The following CNKSR3 variants were observed in gnomAD, a reference collection of about 807,000 sequenced individuals.
The protein encoded by CNKSR3 is connector enhancer of kinase suppressor of ras 3.
Under a neutral mutation model 67.7 loss-of-function variants are expected in CNKSR3, and 36 were observed. The ratio of observed to expected loss-of-function variants is 0.53; its 90% CI spans 0.41 to 0.70. The LOEUF is 0.70. CNKSR3 is among the 30% of genes least tolerant of loss of function. The pLI is 0.00. For missense variants in CNKSR3, 630 were observed against 695.2 expected, an observed-to-expected ratio of 0.91 and a Z score of 1.05; for synonymous variants, 281 against 271.4, an observed-to-expected ratio of 1.04 and a Z score of -0.35.
intron 6 of CNKSR3, among the ~76,000 whole-genome samples, chr6:154,430,080 C>T (rs1448351328): frequency 2.6e-5 from 4 of 152,178 alleles, no homozygotes; most frequent in Non-Finnish European, 5.9e-5. Context: ...CATTTCTAAA[C>T]CCTTCTTAAG....
intron 9 of CNKSR3, among the ~76,000 whole-genome samples, chr6:154,421,677 G>A (rs1785146744): frequency 6.6e-6 from 1 of 152,172 alleles, no homozygotes; most frequent in African/African-American, 2.4e-5. Context: ...ACTACATAAT[G>A]TCTAAATAAT....
At chr6:154,420,429 C>G (rs375188004) in intron 9 of CNKSR3, among the ~76,000 whole-genome samples, 95 of 152,114 alleles carry the variant, frequency 6.2e-4, no homozygotes, top group Middle Eastern at 6.8e-3. Context: ...GTGGCTCACG[C>G]CTGTAATCCC....
chr6:154,458,826 G>T (rs1408516116), intron 1 of CNKSR3, among the ~76,000 whole-genome samples: 1 of 152,062 alleles, frequency 6.6e-6, no homozygotes, highest in Admixed American at 6.6e-5. Flanking sequence ...GTCATCCTTC[G>T]AGGTTTGTGG....
chr6:154,414,259 A>C, intron 10 of CNKSR3, 40 bp downstream of exon 10: 1 of 1,535,086 alleles, frequency 6.5e-7, no homozygotes, highest in Non-Finnish European at 8.7e-7. Context: ...AATGACACCA[A>C]CAGGAGACAA....
At chr6:154,476,926 G>C (rs1214583277) in intron 1 of CNKSR3, among the ~76,000 whole-genome samples, 1 of 152,126 alleles carries the variant, frequency 6.6e-6, no homozygotes, top group African/African-American at 2.4e-5. Context: ...CGGTTATCAG[G>C]AAAATCCCTA....
chr6:154,477,148 TATTTCAAAGC>T (rs1210803025), intron 1 of CNKSR3, among the ~76,000 whole-genome samples: 1 of 152,186 alleles, frequency 6.6e-6, no homozygotes, highest in Non-Finnish European at 1.5e-5. Flanking sequence ...GAACCAACTT[TATTTCAAAGC>T]ATTTCAAAAA....
chr6:154,501,482 C>T (rs939697604), intron 1 of CNKSR3, among the ~76,000 whole-genome samples: 33 of 152,274 alleles, frequency 2.2e-4, no homozygotes, highest in African/African-American at 7.7e-4. Context: ...ATCACCCCCA[C>T]CCTCGCTCTC....
At chr6:154,509,236 C>A (rs1787162887) in intron 1 of CNKSR3, among the ~76,000 whole-genome samples, 1 of 151,990 alleles carries the variant, frequency 6.6e-6, no homozygotes, top group Non-Finnish European at 1.5e-5. Flanking sequence ...CCCTCGAAAT[C>A]GTAGGAGACA....
intron 1 of CNKSR3, among the ~76,000 whole-genome samples, chr6:154,459,600 A>G (rs1216037405): frequency 6.6e-6 from 1 of 152,254 alleles, no homozygotes; most frequent in African/African-American, 2.4e-5. Flanking sequence ...ATGGAAGGAC[A>G]GTCAACCCTA....
At position 154,395,857 on chromosome 6, in the gene CNKSR3, C is replaced by T. The variant is rs182362289; in HGVS notation, c.*10497G>A. On this transcript the variant is annotated 3_prime_UTR_variant, in exon 13 of 13. Coordinates refer to ENST00000607772, the MANE Select transcript of CNKSR3 (RefSeq NM_173515.4). ...TCAAGAGATCCTCCCATCTCAGCCT[C>T]CTGAGTAGCTGGGACTACAGGTGCA... The T allele has an allele frequency of 6.6e-6, 1 of 152,484 alleles. No homozygotes were observed. The highest frequency in any genetic ancestry group is 1.9e-4 in the East Asian group (1 of 5,182). The allele number at this position is 152,484 out of a possible 1,614,324, so 9.4% of individuals were successfully genotyped here.
Position 154,414,287 on chromosome 6 carries a change from A to ACAG in CNKSR3, c.1070+9_1070+11dup. 6.3e-7 allele frequency: 1 copy of ACAG among 1,575,100 alleles called. No homozygotes were observed. Among genetic ancestry groups the ACAG allele is most frequent in the Admixed American group, 1.9e-5 (1 of 51,580 alleles). ...GGAGACAAGCATACCATGACAATGG[A>ACAG]CAGCAACATACCGGGGAGAGTAGGG... On this transcript the variant is annotated intron_variant, in intron 10 of 12. Coordinates refer to ENST00000607772, the MANE Select transcript of CNKSR3 (RefSeq NM_173515.4).
In CNKSR3 at chr6:154,397,296, A is replaced by T. The variant is rs1784671240; in HGVS notation, c.*9058T>A. 6.6e-6 allele frequency: 1 copy of T among 152,242 alleles called. No homozygotes were observed. Among genetic ancestry groups the T allele is most frequent in the Non-Finnish European group, 1.5e-5 (1 of 68,048 alleles). The allele number at this position is 152,242 out of a possible 1,614,324, so 9.4% of individuals were successfully genotyped here. A position where few individuals can be genotyped will look rare whatever the true frequency, so the allele number is the denominator to read the frequency against. ...ACTTTCTAGTAAAACATAGTACTCT[A>T]AACACGGTTAGCTTACATGTTCTTC... On this transcript the variant is annotated 3_prime_UTR_variant, in exon 13 of 13. Transcript: ENST00000607772.
chr6:154,424,048 C>G (rs557039922), intron 7 of CNKSR3, among the ~76,000 whole-genome samples: 2 of 151,880 alleles, frequency 1.3e-5, no homozygotes, highest in South Asian at 4.2e-4. Context: ...CTGGCTAACA[C>G]GGTGAAATCC....
At chr6:154,461,474 T>C (rs559785748) in intron 1 of CNKSR3, among the ~76,000 whole-genome samples, 1 of 152,328 alleles carries the variant, frequency 6.6e-6, no homozygotes, top group African/African-American at 2.4e-5. Flanking sequence ...GCACCAACTA[T>C]ACAGGCCAGG....
At chr6:154,452,130 CCTAA>C (rs1785847937) in intron 1 of CNKSR3, among the ~76,000 whole-genome samples, 1 of 152,126 alleles carries the variant, frequency 6.6e-6, no homozygotes, top group Admixed American at 6.5e-5. Flanking sequence ...AGGACAGCCT[CCTAA>C]CTATTTTGTT....
intron 1 of CNKSR3, among the ~76,000 whole-genome samples, chr6:154,462,276 A>C (rs143946151): frequency 2.4e-3 from 312 of 130,866 alleles, no homozygotes; most frequent in African/African-American, 8.4e-3. Flanking sequence ...AGTTCCCCCC[A>C]CCCTGTCAGT....
intron 9 of CNKSR3, among the ~76,000 whole-genome samples, chr6:154,421,991 T>C (rs1033396479): frequency 7.5e-6 from 1 of 133,436 alleles, no homozygotes; most frequent in Non-Finnish European, 1.7e-5. Flanking sequence ...TTCATTCTTT[T>C]TTTTTTTTTT....
chr6:154,468,310 C>T (rs535654752), intron 1 of CNKSR3, among the ~76,000 whole-genome samples: 1 of 151,202 alleles, frequency 6.6e-6, no homozygotes, highest in Admixed American at 6.6e-5. Flanking sequence ...GAACTCTTGG[C>T]CTCAAGCAGT....
At chr6:154,428,278 A>G (rs1248043241) in intron 6 of CNKSR3, 91 bp from the exon 7 acceptor site, 1 of 809,828 alleles carries the variant, frequency 1.2e-6, no homozygotes, top group African/African-American at 1.7e-5. Context: ...CATTAACAAC[A>G]GTCCCTTCAG....
Sources: gnomAD v4.1 joint callset for allele counts (sites outside exome capture counted in the v4.1 genomes callset) on GRCh38, gnomAD v4.1.1 for gene constraint, MANE v1.5 for transcripts, NCBI Gene and HGNC (gene_info 2026-07-23, HGNC 2026-07-21) for gene names.